Variants in SNU13 observed in about 807,000 individuals in gnomAD.
SNU13 encodes NHP2-like protein 1.
A neutral mutation model predicts 12.4 loss-of-function variants in SNU13; 2 were observed. The ratio of observed to expected loss-of-function variants is 0.16; its 90% confidence interval spans 0.07 to 0.51. The LOEUF is 0.51. SNU13 is among the 20% of genes least tolerant of loss of function. The pLI is 0.96. For synonymous variants in SNU13, 68 were observed against 66.5 expected, an observed-to-expected ratio of 1.02 and a Z score of -0.11; for missense variants, 66 against 157.8, an observed-to-expected ratio of 0.42 and a Z score of 3.12.
At position 41,680,277 on chromosome 22, in the gene SNU13, T is replaced by C; in HGVS notation, c.91A>G (p.Asn31Asp). Reference protein sequence around the residue: ...KLLDLVQQSCNYKQLRKGANE... With the variant: ...KLLDLVQQSCDYKQLRKGANE... The stretch of plus-strand genomic sequence containing the variant: ...GCTCCTTTCCGAAGCTGCTTATAGT[T>C]ACATGACTGCTGAACGAGGTCCAGT... The change falls in exon 2 of 3, where the codon AAC becomes GAC. Residue 31 changes from asparagine to aspartate, a missense_variant. By Grantham distance (23) the Asn-to-Asp change is conservative (BLOSUM62 1). Transcript: ENST00000401959. 1 of 1,613,972 alleles carries C rather than the reference T, an allele frequency of 6.2e-7. No homozygotes were observed. The highest frequency in any genetic ancestry group is 1.1e-5 in the South Asian group (1 of 91,060).
At chr22:41,685,918 AG>A (rs2068306495) in intron 1 of SNU13, among the ~76,000 whole-genome samples, 1 of 151,054 alleles carries the variant, frequency 6.6e-6, no homozygotes, top group South Asian at 2.1e-4. Flanking sequence ...CAGTGAGTCA[AG>A]ATCGTGCCAC....
chr22:41,680,146 G>T, intron 2 of SNU13, 98 bp downstream of exon 2: 1 of 1,397,458 alleles, frequency 7.2e-7, no homozygotes, highest in Non-Finnish European at 9.5e-7. Flanking sequence ...GTAGTCGAGA[G>T]CAGCTAGCCC....
Position 41,688,831 on chromosome 22 carries a change from A to G in SNU13, c.-35T>C. 1 of 1,571,030 alleles carries G rather than the reference A, an allele frequency of 6.4e-7. No individual in the cohort carries two copies. Among genetic ancestry groups the G allele is most frequent in the Non-Finnish European group, 8.7e-7 (1 of 1,150,374 alleles). Reference sequence around the variant, plus strand: ...TCCGCGGGCTCAGCACTCCTAGGGGAGCGCAGCTGACGTTTCAGAAGCACT... The same window carrying G: ...TCCGCGGGCTCAGCACTCCTAGGGGGGCGCAGCTGACGTTTCAGAAGCACT... On this transcript the variant is annotated 5_prime_UTR_variant, in exon 1 of 3. Coordinates refer to ENST00000401959, the MANE Select transcript of SNU13 (RefSeq NM_001003796.2).
At chr22:41,682,289 A>G (rs2147138042) in intron 1 of SNU13, 1 of 1,506,004 alleles carries the variant, frequency 6.6e-7, no homozygotes, top group Non-Finnish European at 9.2e-7. Flanking sequence ...ACACAGCGGG[A>G]CCACGCTCGC....
At chr22:41,681,556 C>T (rs2068262979) in intron 1 of SNU13, 1 of 152,188 alleles carries the variant, frequency 6.6e-6, no homozygotes. Flanking sequence ...TATCACTCTT[C>T]CGCCTAATAA....
chr22:41,686,787 T>C (rs5758416), intron 1 of SNU13, among the ~76,000 whole-genome samples: 124,947 of 150,414 alleles, frequency 0.83, 52,836 homozygotes, highest in African/African-American at 0.95. Context: ...CCACCACGCC[T>C]GGCTAATTTT....
intron 2 of SNU13, among the ~76,000 whole-genome samples, chr22:41,679,020 G>A (rs1289342126): frequency 6.6e-6 from 1 of 152,194 alleles, no homozygotes; most frequent in Admixed American, 6.5e-5. Context: ...CACTTTGGGA[G>A]GCCAAGGCAG....
At chr22:41,680,385 T>C (rs1317366237) in intron 1 of SNU13, 21 bp from the exon 2 acceptor site, 2 of 1,594,060 alleles carry the variant, frequency 1.3e-6, no homozygotes, top group African/African-American at 1.4e-5. Flanking sequence ...GACATAAAAA[T>C]ATCAGACAAA....
chr22:41,690,340 A>C (rs1261452387), upstream of SNU13: 1 of 708,818 alleles, frequency 1.4e-6, no homozygotes, highest in African/African-American at 1.8e-5. Context: ...TCACACATTC[A>C]GGGAACTTAA....
intron 1 of SNU13, among the ~76,000 whole-genome samples, chr22:41,685,080 G>T (rs538903453): frequency 6.6e-6 from 1 of 151,166 alleles, no homozygotes; most frequent in African/African-American, 2.4e-5. Context: ...GCTTGAACCC[G>T]GGAAGCGGAG....
At chr22:41,685,380 T>G (rs1293188978) in intron 1 of SNU13, among the ~76,000 whole-genome samples, 1 of 151,426 alleles carries the variant, frequency 6.6e-6, no homozygotes, top group Non-Finnish European at 1.5e-5. Context: ...TGAGACGGAG[T>G]TTTGCTCTTG....
rs749054963 is a variant in SNU13 at position 41,682,410 on chromosome 22, T to C, written c.4-2046A>G. 9.3e-6 allele frequency: 15 copies of C among 1,613,414 alleles called. 1 individual carries two copies. The South Asian group carries it at 1.5e-4, about 17-fold the overall frequency. On this transcript the variant is annotated intron_variant, in intron 1 of 2. Transcript: ENST00000401959. The stretch of plus-strand genomic sequence containing the variant: ...GGACACCGCGAGGATACCACGCGTG[T>C]CGGTTTGGACGGTCTGCTGCCCAGC...
chr22:41,679,257 TAAA>T (rs927698795), intron 2 of SNU13, among the ~76,000 whole-genome samples: 1 of 140,432 alleles, frequency 7.1e-6, no homozygotes, highest in Non-Finnish European at 1.5e-5. Context: ...TGAAAAAAAA[TAAA>T]AATAAAAATA....
intron 2 of SNU13, among the ~76,000 whole-genome samples, chr22:41,678,683 G>C (rs893559752): frequency 2.0e-5 from 3 of 152,138 alleles, no homozygotes; most frequent in African/African-American, 4.8e-5. Flanking sequence ...AGTGAGAAGA[G>C]AGACCTCCCA....
rs779016339 is a variant in SNU13 at position 41,688,779 on chromosome 22, G to GGCGC, written c.3+11_3+14dup. On this transcript the variant is annotated intron_variant, in intron 1 of 2. Transcript: ENST00000401959. ...TCTCCCGCTTCCCGGTCCCTCGGCC[G>GGCGC]GCGCACGCACTCACCATGGCTGCGG... The GGCGC allele has an allele frequency of 9.2e-5, 147 of 1,597,732 alleles. No homozygotes were observed. The African/African-American group carries it at 1.8e-3, about 20-fold the overall frequency.
At chr22:41,689,029 T>C, upstream of SNU13, 1 of 1,269,870 alleles carries the variant, frequency 7.9e-7, no homozygotes. Context: ...AGCTGCCTAG[T>C]ACAAATTATT....
Position 41,674,778 on chromosome 22 carries a change from C to A in SNU13, c.*155G>T, listed in dbSNP as rs1244942125. On this transcript the variant is annotated 3_prime_UTR_variant, in exon 3 of 3. Coordinates refer to ENST00000401959, the MANE Select transcript of SNU13 (RefSeq NM_001003796.2). ...GAAGGGGGATAGCAACCCTGTAAAACAGAACAAAAACAACACAAAAATCCA... is the reference window on the plus strand; with the variant it reads ...GAAGGGGGATAGCAACCCTGTAAAAAAGAACAAAAACAACACAAAAATCCA... 2.8e-6 allele frequency: 3 copies of A among 1,063,850 alleles called. No homozygotes were observed. Among genetic ancestry groups the A allele is most frequent in the African/African-American group, 3.2e-5 (2 of 62,322 alleles). 65.9% of individuals were successfully genotyped at this position (1,063,850 alleles called of 1,614,324 possible). A position where few individuals can be genotyped will look rare whatever the true frequency, so the allele number is the denominator to read the frequency against.
At chr22:41,688,983 T>C, upstream of SNU13, 1 of 1,332,906 alleles carries the variant, frequency 7.5e-7, no homozygotes, top group East Asian at 2.7e-5. Flanking sequence ...AAACTGGCCC[T>C]GTGTCGAAGA....
intron 1 of SNU13, among the ~76,000 whole-genome samples, chr22:41,685,454 A>G (rs1212738384): frequency 1.3e-5 from 2 of 151,946 alleles, no homozygotes; most frequent in Non-Finnish European, 2.9e-5. Flanking sequence ...CCGAGGTTCA[A>G]GCAATTCTCC....
Sources: gnomAD v4.1 joint callset for allele counts (sites outside exome capture counted in the v4.1 genomes callset) on GRCh38, gnomAD v4.1.1 for gene constraint, MANE v1.5 for transcripts, NCBI Gene and HGNC (gene_info 2026-07-23, HGNC 2026-07-21) for gene names.